The following GCGR variants were observed in gnomAD, a reference collection of about 807,000 sequenced individuals.
GCGR encodes glucagon receptor.
GCGR carries 41 observed loss-of-function variants against 56.1 expected under a neutral mutation model. The ratio of observed to expected loss-of-function variants is 0.73; its 90% CI spans 0.57 to 0.95. The LOEUF (loss-of-function observed/expected upper bound fraction) is 0.95, where lower values mean the gene tolerates loss of function less well. Among genes scored for constraint, GCGR ranks in the 40% least tolerant of loss-of-function variants. GCGR has a pLI of 0.00. For missense variants in GCGR, 595 were observed against 638.2 expected (o/e 0.93, Z 0.73); for synonymous variants, 278 against 271.1 (o/e 1.03, Z -0.25).
chr17:81,812,112 C>T lies in GCGR; in HGVS notation c.879-71C>T, dbSNP rs1038698126. On this transcript the variant is annotated intron_variant, in intron 9 of 13. Transcript: ENST00000400723. The surrounding 1 kb of genome is among the most constrained non-coding windows in gnomAD (Gnocchi z 8.5). ...GACCCGAATTAGATCCTGGCAAAAT[C>T]GGGACGGGGGTGCTGAGGGGCGGAG... The T allele has an allele frequency of 1.7e-5, 25 of 1,465,086 alleles. No homozygotes were observed. The highest frequency in any genetic ancestry group is 1.8e-4 in the Middle Eastern group (1 of 5,654). The allele number at this position is 1,465,086 out of a possible 1,614,324, so 90.8% of individuals were successfully genotyped here. A position where few individuals can be genotyped will look rare whatever the true frequency, so the allele number is the denominator to read the frequency against.
intron 1 of GCGR, among the ~76,000 whole-genome samples, chr17:81,805,657 T>C (rs1444402850): frequency 2.7e-4 from 40 of 148,406 alleles, no homozygotes; most frequent in Admixed American, 1.3e-4. Context: ...ATTGGGCACC[T>C]CGGGAACCCC....
chr17:81,813,152 G>C lies in GCGR; in HGVS notation c.1218+95G>C. The C allele has an allele frequency of 6.6e-7, 1 of 1,514,926 alleles. No individual in the cohort carries two copies. Among genetic ancestry groups the C allele is most frequent in the Non-Finnish European group, 8.9e-7 (1 of 1,129,552 alleles). 93.8% of individuals were successfully genotyped at this position (1,514,926 alleles called of 1,614,324 possible). A position where few individuals can be genotyped will look rare whatever the true frequency, so the allele number is the denominator to read the frequency against. ...GGGATGCCAGCCCCACCCCTGCCCGGGGGTTGGAACACGTGGGGCCCAAGC... is the reference window on the plus strand; with the variant it reads ...GGGATGCCAGCCCCACCCCTGCCCGCGGGTTGGAACACGTGGGGCCCAAGC... On this transcript the variant is annotated intron_variant, in intron 13 of 13. Coordinates refer to ENST00000400723, the MANE Select transcript of GCGR (RefSeq NM_000160.5). This position sits in a 1 kb window ranked among gnomAD's most constrained non-coding sequence, Gnocchi z 5.3.
At chr17:81,809,730 T>C (rs529546860) in intron 2 of GCGR, 52 bp from the exon 3 acceptor site, 113 of 1,413,488 alleles carry the variant, frequency 8.0e-5, no homozygotes, top group African/African-American at 4.8e-4. Flanking sequence ...TGCCTGTCTG[T>C]CTGCCTGCCT....
intron 1 of GCGR, among the ~76,000 whole-genome samples, chr17:81,807,519 G>A (rs2037988070): frequency 6.6e-6 from 1 of 152,176 alleles, no homozygotes; most frequent in African/African-American, 2.4e-5. Flanking sequence ...GCAGCCAGCA[G>A]TCCAGGCCTG....
In GCGR at chr17:81,806,093, G is replaced by GCAGCCTCA. The variant is rs1469894184; in HGVS notation, c.-178+1845_-178+1852dup. ...TCGTCGTCCCCGTCCCAGGACCACA[G>GCAGCCTCA]CAGCCTCAGCCCTGCTCTCCAGGCC... is the stretch of plus-strand genomic sequence containing the variant. On this transcript the variant is annotated intron_variant, in intron 1 of 13. Transcript: ENST00000400723. This position sits in a 1 kb window ranked among gnomAD's most constrained non-coding sequence, Gnocchi z 6.5. Among the ~76,000 whole-genome samples, 1 of 152,128 alleles carries GCAGCCTCA rather than the reference G, an allele frequency of 6.6e-6. No homozygotes were observed. The highest frequency in any genetic ancestry group is 2.4e-5 in the African/African-American group (1 of 41,432).
At chr17:81,807,284 C>G (rs1275757171) in intron 1 of GCGR, among the ~76,000 whole-genome samples, 1 of 152,238 alleles carries the variant, frequency 6.6e-6, no homozygotes, top group Non-Finnish European at 1.5e-5. Flanking sequence ...ATCAGCGACA[C>G]ACGGGTCCTG....
At position 81,811,160 on chromosome 17, in the gene GCGR, G is replaced by A. The variant is rs1025714053; in HGVS notation, c.393+29G>A. 2.0e-6 allele frequency: 3 copies of A among 1,536,084 alleles called. No individual in the cohort carries two copies. The highest frequency in any genetic ancestry group is 2.4e-5 in the East Asian group (1 of 40,906). On this transcript the variant is annotated intron_variant, in intron 5 of 13. Transcript: ENST00000400723. The surrounding 1 kb of genome is among the most constrained non-coding windows in gnomAD (Gnocchi z 5.8). Reference sequence around the variant, plus strand: ...AGTGGGCGGCAGGCAGGCGCGGTGGGGCTGGATGGGAACGGGCATGGGGGC... The same window carrying A: ...AGTGGGCGGCAGGCAGGCGCGGTGGAGCTGGATGGGAACGGGCATGGGGGC...
chr17:81,813,507 T>A lies in GCGR; in HGVS notation c.1252T>A (p.Trp418Arg). 6.5e-7 allele frequency: 1 copy of A among 1,535,648 alleles called. No individual in the cohort carries two copies. ...GGAGCTGCGGCGGCGTTGGCACCGCTGGCGCCTGGGCAAAGTGCTATGGGA... is the reference window on the plus strand; with the variant it reads ...GGAGCTGCGGCGGCGTTGGCACCGCAGGCGCCTGGGCAAAGTGCTATGGGA... The part of the protein sequence containing the change: ...QSELRRRWHR[W>R]RLGKVLWEER... Residue 418 changes from tryptophan to arginine, a missense_variant, in exon 14 of 14, where the codon TGG becomes AGG. Physicochemically the swap from Trp to Arg is moderately radical, Grantham distance 101 (BLOSUM62 -3). Coordinates refer to ENST00000400723, the MANE Select transcript of GCGR (RefSeq NM_000160.5). The surrounding 1 kb of genome is among the most constrained non-coding windows in gnomAD (Gnocchi z 5.3).
chr17:81,808,590 G>A (rs1463725100), intron 1 of GCGR, among the ~76,000 whole-genome samples: 2 of 143,552 alleles, frequency 1.4e-5, no homozygotes, highest in African/African-American at 5.3e-5. Flanking sequence ...CTTGATCTCC[G>A]CTCACTGCAA....
chr17:81,813,606 G>A lies in GCGR; in HGVS notation c.1351G>A (p.Gly451Arg), dbSNP rs1453320474. The A allele has an allele frequency of 2.0e-6, 3 of 1,536,588 alleles. No homozygotes were observed. In the African/African-American group the frequency reaches 4.1e-5, roughly 21 times the overall value. Reference protein sequence around the residue: ...HGPPSKELQFGRGGGSQDSSA... With the variant: ...HGPPSKELQFRRGGGSQDSSA... Reference sequence around the variant, plus strand: ...CCCTCCCAGCAAGGAGCTGCAGTTTGGGAGGGGTGGTGGCAGCCAGGATTC... The same window carrying A: ...CCCTCCCAGCAAGGAGCTGCAGTTTAGGAGGGGTGGTGGCAGCCAGGATTC... Residue 451 changes from glycine to arginine, a missense_variant, in exon 14 of 14, where the codon GGG becomes AGG. Gly to Arg is a moderately radical substitution (Grantham distance 125). Coordinates refer to ENST00000400723, the MANE Select transcript of GCGR (RefSeq NM_000160.5). The surrounding 1 kb of genome is among the most constrained non-coding windows in gnomAD (Gnocchi z 5.3).
Position 81,812,227 on chromosome 17 carries a change from G to A in GCGR, c.923G>A (p.Arg308Gln), listed in dbSNP as rs1266924744. 18 of 1,535,804 alleles carry A rather than the reference G, an allele frequency of 1.2e-5. No homozygotes were observed. The highest frequency in any genetic ancestry group is 5.9e-5 in the South Asian group (5 of 84,044). Reference sequence around the variant, plus strand: ...AACATGGGCTTCTGGTGGATCCTGCGGTTCCCCGTCTTCCTGGCCATCCTG... The same window carrying A: ...AACATGGGCTTCTGGTGGATCCTGCAGTTCCCCGTCTTCCTGGCCATCCTG... Reference protein sequence around the residue: ...NDNMGFWWILRFPVFLAILIN... With the variant: ...NDNMGFWWILQFPVFLAILIN... Residue 308 changes from arginine to glutamine, a missense_variant, in exon 10 of 14, where the codon CGG (arginine) becomes CAG (glutamine). Coordinates refer to ENST00000400723, the MANE Select transcript of GCGR (RefSeq NM_000160.5). This position sits in a 1 kb window ranked among gnomAD's most constrained non-coding sequence, Gnocchi z 8.5.
At position 81,813,190 on chromosome 17, in the gene GCGR, CT is replaced by C. The variant is rs1428275336; in HGVS notation, c.1218+134del. On this transcript the variant is annotated intron_variant, in intron 13 of 13. Coordinates refer to ENST00000400723, the MANE Select transcript of GCGR (RefSeq NM_000160.5). The surrounding 1 kb of genome is among the most constrained non-coding windows in gnomAD (Gnocchi z 5.3). ...GTGGGGCCCAAGCCTTTCCCTCCCC[CT>C]GCTCTTATTGGGTGCAGTTGCCATG... The C allele has an allele frequency of 8.0e-6, 11 of 1,381,938 alleles. No homozygotes were observed. Among genetic ancestry groups the C allele is most frequent in the Non-Finnish European group, 1.1e-5 (11 of 1,009,424 alleles). 85.6% of individuals were successfully genotyped at this position (1,381,938 alleles called of 1,614,324 possible). A position where few individuals can be genotyped will look rare whatever the true frequency, so the allele number is the denominator to read the frequency against.
chr17:81,812,228 G>T lies in GCGR; in HGVS notation c.924G>T (p.Arg308=), dbSNP rs2038117691. 6.5e-7 allele frequency: 1 copy of T among 1,535,898 alleles called. No homozygotes were observed. The highest frequency in any genetic ancestry group is 8.7e-7 in the Non-Finnish European group (1 of 1,146,760). Residue 308 remains arginine, a synonymous_variant, in exon 10 of 14, where the codon CGG becomes CGT. Coordinates refer to ENST00000400723, the MANE Select transcript of GCGR (RefSeq NM_000160.5). The surrounding 1 kb of genome is among the most constrained non-coding windows in gnomAD (Gnocchi z 8.5). ...NDNMGFWWIL[R]FPVFLAILIN... is the part of the protein sequence containing the mutation. ...ACATGGGCTTCTGGTGGATCCTGCG[G>T]TTCCCCGTCTTCCTGGCCATCCTGG...
Position 81,813,893 on chromosome 17 carries a change from G to A in GCGR, c.*204G>A, listed in dbSNP as rs2038159263. 1.7e-6 allele frequency: 1 copy of A among 597,730 alleles called. No individual in the cohort carries two copies. The highest frequency in any genetic ancestry group is 3.0e-6 in the Non-Finnish European group (1 of 337,840). The allele number at this position is 597,730 out of a possible 1,614,324, so 37.0% of individuals were successfully genotyped here. On this transcript the variant is annotated 3_prime_UTR_variant, in exon 14 of 14. Coordinates refer to ENST00000400723, the MANE Select transcript of GCGR (RefSeq NM_000160.5). This position sits in a 1 kb window ranked among gnomAD's most constrained non-coding sequence, Gnocchi z 5.3. Reference sequence around the variant, plus strand: ...GTCCCTGGTGCAGAGGTGAGCAGAGGAGTCCAGGGCGGGAGTGGGGGCTGT... The same window carrying A: ...GTCCCTGGTGCAGAGGTGAGCAGAGAAGTCCAGGGCGGGAGTGGGGGCTGT...
rs1284913116 is a variant in GCGR, at chr17:81,804,201, G to T, written c.-226G>T. The T allele has an allele frequency of 6.6e-6, 1 of 151,298 alleles. No individual in the cohort carries two copies. Among genetic ancestry groups the T allele is most frequent in the Non-Finnish European group, 1.5e-5 (1 of 67,744 alleles). 9.4% of individuals were successfully genotyped at this position (151,298 alleles called of 1,614,324 possible). On this transcript the variant is annotated 5_prime_UTR_variant, in exon 1 of 14. Transcript: ENST00000400723. This position sits in a 1 kb window ranked among gnomAD's most constrained non-coding sequence, Gnocchi z 8.2. ...GGTCACCGGCGCCCGACCCGAGCGC[G>T]CCCAGAGGACGGCGGGGAGCCAAGC...
rs1292056803 is a variant in GCGR at position 81,813,244 on chromosome 17, G to T, written c.1218+187G>T. 5.9e-5 allele frequency among the ~76,000 whole-genome samples: 9 copies of T among 152,296 alleles called. No homozygotes were observed. The South Asian group carries it at 1.4e-3, about 25-fold the overall frequency. ...GCTGGGTGTCAGGCCCCCAGGACAG[G>T]TTGGCCTCAGCCCCATCGCTACGGT... On this transcript the variant is annotated intron_variant, in intron 13 of 13. Transcript: ENST00000400723. The surrounding 1 kb of genome is among the most constrained non-coding windows in gnomAD (Gnocchi z 5.3).
At chr17:81,809,538 C>CCCGTCTGCCTGTCTGTCTGCCTGT in intron 2 of GCGR, among the ~76,000 whole-genome samples, 1 of 105,706 alleles carries the variant, frequency 9.5e-6, no homozygotes, top group African/African-American at 3.8e-5. Context: ...TGCCTGTCTG[C>CCCGTCTGCCTGTCTGTCTGCCTGT]CCGTCTGCCT....
chr17:81,813,525 C>G lies in GCGR; in HGVS notation c.1270C>G (p.Leu424Val). Residue 424 changes from leucine to valine, a missense_variant, in exon 14 of 14, where the codon CTA becomes GTA. Physicochemically the swap from Leu to Val is conservative, Grantham distance 32. Transcript: ENST00000400723. This position sits in a 1 kb window ranked among gnomAD's most constrained non-coding sequence, Gnocchi z 5.3. ...RWHRWRLGKV[L>V]WEERNTSNHR... ...GCACCGCTGGCGCCTGGGCAAAGTG[C>G]TATGGGAGGAGCGGAACACCAGCAA... The G allele has an allele frequency of 6.5e-7, 1 of 1,536,064 alleles. No homozygotes were observed. Among genetic ancestry groups the G allele is most frequent in the African/African-American group, 1.4e-5 (1 of 73,134 alleles).
chr17:81,812,327 G>A lies in GCGR; in HGVS notation c.948+75G>A, dbSNP rs1044614800. ...CGTCCTGAGGCTGCCCCAGGAGACAGCAGCATCCTGTCTGAGAGCGCTGGG... is the reference window on the plus strand; with the variant it reads ...CGTCCTGAGGCTGCCCCAGGAGACAACAGCATCCTGTCTGAGAGCGCTGGG... On this transcript the variant is annotated intron_variant, in intron 10 of 13. Coordinates refer to ENST00000400723, the MANE Select transcript of GCGR (RefSeq NM_000160.5). The surrounding 1 kb of genome is among the most constrained non-coding windows in gnomAD (Gnocchi z 8.5). 8.8e-6 allele frequency: 13 copies of A among 1,481,310 alleles called. No homozygotes were observed. The highest frequency in any genetic ancestry group is 1.2e-5 in the Non-Finnish European group (13 of 1,099,354). 91.8% of individuals were successfully genotyped at this position (1,481,310 alleles called of 1,614,324 possible).
Sources: allele counts gnomAD v4.1 joint callset (sites outside exome capture counted in the v4.1 genomes callset), GRCh38; gene constraint gnomAD v4.1.1; non-coding constraint Gnocchi (gnomAD v3.1); transcripts MANE v1.5; gene names NCBI Gene and HGNC (gene_info 2026-07-23, HGNC 2026-07-21).